The following AIG1 variants were observed in gnomAD, a reference collection of about 807,000 sequenced individuals.
AIG1 encodes the protein androgen induced 1.
AIG1 carries 23 observed loss-of-function variants against 31.4 expected under a neutral mutation model. That is an observed-to-expected ratio of 0.73 (90% CI 0.53 to 1.04). AIG1 has a LOEUF of 1.04. AIG1 is among the 50% of genes least tolerant of loss of function. The pLI, the probability that AIG1 is intolerant of heterozygous loss-of-function variation, is 0.00. For missense variants in AIG1, 274 were observed against 295.0 expected (o/e 0.93, Z 0.52); for synonymous variants, 100 against 110.5 (o/e 0.90, Z 0.60).
Position 143,329,471 on chromosome 6 carries a change from T to C in AIG1, c.516-3811T>C, listed in dbSNP as rs530810193. 1.5e-4 allele frequency among the ~76,000 whole-genome samples: 23 copies of C among 152,314 alleles called. No homozygotes were observed. The East Asian group carries it at 4.1e-3, about 27-fold the overall frequency. ...GGTTGCAAACCTGAGAATTTCACAT[T>C]ACATTAGCAGCTCTGACATAGTCTC... On this transcript the variant is annotated intron_variant, in intron 4 of 5. Transcript: ENST00000357847. The surrounding 1 kb of genome is among the most constrained non-coding windows in gnomAD (Gnocchi z 4.9).
intron 2 of AIG1, among the ~76,000 whole-genome samples, chr6:143,145,954 AAAC>A (rs1228050575): frequency 2.0e-5 from 3 of 152,334 alleles, no homozygotes; most frequent in African/African-American, 7.2e-5. Flanking sequence ...GTAGTATCAT[AAAC>A]AACAACTGAA....
intron 3 of AIG1, among the ~76,000 whole-genome samples, chr6:143,271,559 C>A (rs1484995289): frequency 6.6e-6 from 1 of 152,048 alleles, no homozygotes. Flanking sequence ...AAATTAAAAC[C>A]ATTTGAAATC....
In AIG1 at chr6:143,280,363, A is replaced by T. The variant is rs572396304; in HGVS notation, c.400-3747A>T. 6.6e-6 allele frequency among the ~76,000 whole-genome samples: 1 copy of T among 152,358 alleles called. No homozygotes were observed. The highest frequency in any genetic ancestry group is 1.5e-5 in the Non-Finnish European group (1 of 68,038). On this transcript the variant is annotated intron_variant, in intron 3 of 5. Coordinates refer to ENST00000357847, the MANE Select transcript of AIG1 (RefSeq NM_016108.4). The surrounding 1 kb of genome is among the most constrained non-coding windows in gnomAD (Gnocchi z 4.1). ...AACTACCATTAGACCCAGCAATCCCATCACTGGGTACGTGCCCAGAAGAAT... is the reference window on the plus strand; with the variant it reads ...AACTACCATTAGACCCAGCAATCCCTTCACTGGGTACGTGCCCAGAAGAAT...
chr6:143,319,470 C>A (rs955763360), intron 4 of AIG1, among the ~76,000 whole-genome samples: 10 of 151,994 alleles, frequency 6.6e-5, no homozygotes, highest in African/African-American at 2.4e-4. Flanking sequence ...TATGGGGACT[C>A]CAGGGAGAGT....
chr6:143,188,415 CT>C, intron 3 of AIG1: 3 of 985,446 alleles, frequency 3.0e-6, no homozygotes, highest in African/African-American at 3.5e-5. Context: ...ATTTCAGGCT[CT>C]GGATAACATG....
At position 143,060,910 on chromosome 6, in the gene AIG1, C is replaced by G; in HGVS notation, c.-16C>G. 6.3e-7 allele frequency: 1 copy of G among 1,592,954 alleles called. No homozygotes were observed. Among genetic ancestry groups the G allele is most frequent in the Non-Finnish European group, 8.5e-7 (1 of 1,171,522 alleles). On this transcript the variant is annotated 5_prime_UTR_variant, in exon 1 of 6. Transcript: ENST00000357847. ...CGCCCTCCTTGCCGCCCAGCCGGTC[C>G]AGGCCTCTGGCGAACATGGCGCTTG...
At chr6:143,337,002 A>T (rs1444258233) in intron 5 of AIG1, among the ~76,000 whole-genome samples, 1 of 152,202 alleles carries the variant, frequency 6.6e-6, no homozygotes, top group Non-Finnish European at 1.5e-5. Context: ...TAAGGCTTGA[A>T]AATAATCCTC....
intron 3 of AIG1, among the ~76,000 whole-genome samples, chr6:143,205,818 A>C (rs918058390): frequency 6.6e-6 from 1 of 152,234 alleles, no homozygotes; most frequent in African/African-American, 2.4e-5. Flanking sequence ...GAATTCCCCA[A>C]ACAAAAGCTT....
At chr6:143,080,972 C>T (rs1778196699) in intron 1 of AIG1, among the ~76,000 whole-genome samples, 1 of 152,098 alleles carries the variant, frequency 6.6e-6, no homozygotes, top group Admixed American at 6.5e-5. Context: ...GACAGGTTCC[C>T]TGTAATGTTT....
intron 3 of AIG1, among the ~76,000 whole-genome samples, chr6:143,257,477 T>C (rs1022171119): frequency 1.3e-5 from 2 of 152,252 alleles, no homozygotes; most frequent in Non-Finnish European, 2.9e-5. Flanking sequence ...TCAGTGGAAA[T>C]ACACAGTGAA....
chr6:143,290,175 G>A (rs949034823), intron 4 of AIG1, among the ~76,000 whole-genome samples: 4 of 152,206 alleles, frequency 2.6e-5, no homozygotes, highest in East Asian at 3.8e-4. Flanking sequence ...TGACCAAGGG[G>A]CATAAGGCAG....
intron 1 of AIG1, among the ~76,000 whole-genome samples, chr6:143,078,613 A>G (rs939697039): frequency 6.6e-6 from 1 of 152,214 alleles, no homozygotes; most frequent in African/African-American, 2.4e-5. Context: ...ACATGGTGGC[A>G]GGAAAGACAG....
intron 4 of AIG1, among the ~76,000 whole-genome samples, chr6:143,308,741 T>C (rs1228344326): frequency 1.3e-5 from 2 of 152,206 alleles, no homozygotes; most frequent in African/African-American, 4.8e-5. Flanking sequence ...ACTCTTAATT[T>C]AATTTACCTT....
intron 4 of AIG1, among the ~76,000 whole-genome samples, chr6:143,285,719 AGGGAAGT>A (rs1359071441): frequency 6.6e-6 from 1 of 152,094 alleles, no homozygotes; most frequent in Non-Finnish European, 1.5e-5. Flanking sequence ...TGCAAGGACT[AGGGAAGT>A]ATTTGTTTTC....
At chr6:143,276,692 A>T (rs180900014) in intron 3 of AIG1, among the ~76,000 whole-genome samples, 3 of 152,128 alleles carry the variant, frequency 2.0e-5, no homozygotes, top group Non-Finnish European at 2.9e-5. Flanking sequence ...GCAGTTCCTC[A>T]TCATTCAAAA....
chr6:143,062,928 A>T (rs910662695), intron 1 of AIG1, among the ~76,000 whole-genome samples: 11 of 152,212 alleles, frequency 7.2e-5, no homozygotes, highest in Non-Finnish European at 1.2e-4. Context: ...GAATACAGAG[A>T]TGCTGTGGGA....
intron 4 of AIG1, among the ~76,000 whole-genome samples, chr6:143,308,226 A>T (rs1210336272): frequency 6.6e-6 from 1 of 152,174 alleles, no homozygotes; most frequent in Non-Finnish European, 1.5e-5. Flanking sequence ...TCCTGTGCCC[A>T]CTGTCTGGCA....
intron 3 of AIG1, among the ~76,000 whole-genome samples, chr6:143,165,677 T>C (rs962008737): frequency 6.6e-6 from 1 of 152,162 alleles, no homozygotes; most frequent in African/African-American, 2.4e-5. Context: ...CATTTGGAAG[T>C]GTCTTTTGCA....
chr6:143,180,432 CT>C (rs1314852049), intron 3 of AIG1, among the ~76,000 whole-genome samples: 2 of 152,194 alleles, frequency 1.3e-5, no homozygotes, highest in African/African-American at 4.8e-5. Context: ...TTATTCTGGC[CT>C]GTTTCCTCAT....
Sources: allele counts gnomAD v4.1 joint callset (sites outside exome capture counted in the v4.1 genomes callset), GRCh38; gene constraint gnomAD v4.1.1; non-coding constraint Gnocchi (gnomAD v3.1); transcripts MANE v1.5; gene names NCBI Gene and HGNC (gene_info 2026-07-23, HGNC 2026-07-21).